The following PXK variants were observed in gnomAD, a reference collection of about 807,000 sequenced individuals.
PXK encodes the protein PX domain-containing protein kinase-like protein.
Under a neutral mutation model 84.7 loss-of-function variants are expected in PXK, and 35 were observed. The ratio of observed to expected loss-of-function variants is 0.41; its 90% confidence interval spans 0.32 to 0.55. The LOEUF (loss-of-function observed/expected upper bound fraction) is 0.55, where lower values mean the gene tolerates loss of function less well. Ranked by LOEUF, PXK falls within the 20% of genes least tolerant of loss-of-function variation. The probability of loss-of-function intolerance (pLI) is 0.21; values close to 1 mark genes in which losing one functional copy is unlikely to be tolerated. For missense variants in PXK, 634 were observed against 699.7 expected (o/e 0.91, Z 1.06); for synonymous variants, 253 against 260.8 (o/e 0.97, Z 0.29).
At chr3:58,420,486 G>T (rs1458666420) in intron 17 of PXK, 1 of 1,530,990 alleles carries the variant, frequency 6.5e-7, no homozygotes, top group East Asian at 2.4e-5. Context: ...ACTAAAATCT[G>T]AATAATGACT....
In PXK at chr3:58,407,086, A is replaced by C. The variant is rs955799252; in HGVS notation, c.1231-1838A>C. The stretch of plus-strand genomic sequence containing the variant: ...CTTTTGGATGTATACCCAGAAGTGG[A>C]ATTCCTCATATGGTAGTTCCATTTT... On this transcript the variant is annotated intron_variant, in intron 13 of 17. Transcript: ENST00000356151. The surrounding 1 kb of genome is among the most constrained non-coding windows in gnomAD (Gnocchi z 4.3). Among the ~76,000 whole-genome samples the C allele has an allele frequency of 2.0e-5, 3 of 152,048 alleles. No individual in the cohort carries two copies. The highest frequency in any genetic ancestry group is 6.6e-5 in the Admixed American group (1 of 15,248).
intron 1 of PXK, among the ~76,000 whole-genome samples, chr3:58,354,914 T>C (rs563825227): frequency 2.6e-5 from 4 of 151,392 alleles, no homozygotes; most frequent in Admixed American, 2.6e-4. Flanking sequence ...AGGTCAGGAG[T>C]TCGAGACCAT....
Position 58,397,199 on chromosome 3 carries a change from A to G in PXK, c.983A>G (p.Asn328Ser), listed in dbSNP as rs755856498. The G allele has an allele frequency of 3.7e-6, 6 of 1,613,920 alleles. No individual in the cohort carries two copies. In the South Asian group the frequency reaches 4.4e-5, roughly 12 times the overall value. Reference protein sequence around the residue: ...RSYFSQFRKINTLESVDVHCF... With the variant: ...RSYFSQFRKISTLESVDVHCF... The stretch of plus-strand genomic sequence containing the variant: ...TATTTTTCACAATTCAGGAAAATCA[A>G]TGTAAGTTGCTAAAGTAATGAAATA... The change falls in exon 10 of 18, where the codon AAT becomes AGT. Residue 328 changes from asparagine (N) to serine (S), a missense_variant and splice_region_variant. By Grantham distance (46) the Asn-to-Ser change is conservative. Transcript: ENST00000356151. This position sits in a 1 kb window ranked among gnomAD's most constrained non-coding sequence, Gnocchi z 4.7.
At chr3:58,418,613 A>G (rs1007524917) in intron 17 of PXK, among the ~76,000 whole-genome samples, 1 of 59,560 alleles carries the variant, frequency 1.7e-5, no homozygotes, top group Admixed American at 1.8e-4. Flanking sequence ...CTGTTCTTTG[A>G]GGCTTTTAAA....
In PXK at chr3:58,421,201, C is replaced by T. The variant is rs1013315772; in HGVS notation, c.1529-3551C>T. 3 of 985,320 alleles carry T rather than the reference C, an allele frequency of 3.0e-6. No individual in the cohort carries two copies. The South Asian group carries it at 1.4e-4, about 46-fold the overall frequency. 61.0% of individuals were successfully genotyped at this position (985,320 alleles called of 1,614,324 possible). A position where few individuals can be genotyped will look rare whatever the true frequency, so the allele number is the denominator to read the frequency against. ...GTGTGGTCTCATGGCCACTTGGCCT[C>T]CCTTCCTGTATGTGACCACAAAGGA... On this transcript the variant is annotated intron_variant, in intron 17 of 17. Coordinates refer to ENST00000356151, the MANE Select transcript of PXK (RefSeq NM_017771.5). The surrounding 1 kb of genome is among the most constrained non-coding windows in gnomAD (Gnocchi z 5.5).
chr3:58,359,313 C>T (rs1024846336), intron 1 of PXK, among the ~76,000 whole-genome samples: 25 of 152,102 alleles, frequency 1.6e-4, no homozygotes, highest in African/African-American at 5.5e-4. Flanking sequence ...GGGCAGATCA[C>T]GAGGTCAGGA....
chr3:58,357,975 A>AT (rs1324063462), intron 1 of PXK, among the ~76,000 whole-genome samples: 2 of 152,070 alleles, frequency 1.3e-5, no homozygotes, highest in African/African-American at 4.8e-5. Context: ...AAAACAAAAA[A>AT]ACAAAAAAAC....
intron 1 of PXK, among the ~76,000 whole-genome samples, chr3:58,336,709 A>G (rs1329520697): frequency 6.6e-6 from 1 of 152,222 alleles, no homozygotes; most frequent in Non-Finnish European, 1.5e-5. Context: ...CTGAAATAGA[A>G]ACCAGAGGAA....
intron 1 of PXK, among the ~76,000 whole-genome samples, chr3:58,353,836 G>A (rs2098000863): frequency 6.6e-6 from 1 of 152,220 alleles, no homozygotes; most frequent in Non-Finnish European, 1.5e-5. Flanking sequence ...TGCATGGGAA[G>A]AAAGGGTTAG....
At chr3:58,358,913 T>G (rs772522527) in intron 1 of PXK, among the ~76,000 whole-genome samples, 17 of 152,200 alleles carry the variant, frequency 1.1e-4, no homozygotes, top group Non-Finnish European at 1.9e-4. Context: ...CCCCAAACAT[T>G]ATTGCTTGTT....
At chr3:58,402,530 A>C (rs1219503517) in intron 12 of PXK, among the ~76,000 whole-genome samples, 1 of 151,052 alleles carries the variant, frequency 6.6e-6, no homozygotes, top group African/African-American at 2.4e-5. Context: ...CCCGGGTTCA[A>C]GTGATCCTCT....
chr3:58,376,629 A>ATTATTTATTTAT (rs71625619), intron 3 of PXK, among the ~76,000 whole-genome samples: 1 of 151,426 alleles, frequency 6.6e-6, no homozygotes, highest in African/African-American at 2.4e-5. Context: ...ATTACCCTTT[A>ATTATTTATTTAT]TTATTTATTT....
chr3:58,394,932 A>C, intron 7 of PXK, 66 bp from the exon 8 acceptor site: 1 of 1,210,454 alleles, frequency 8.3e-7, no homozygotes, highest in Non-Finnish European at 1.2e-6. Flanking sequence ...GCATAACCAG[A>C]TCCTGTATTT....
rs2097532703 is a variant in PXK, at chr3:58,333,469, G to A, written c.102+379G>A. The stretch of plus-strand genomic sequence containing the variant: ...GACCATCCACTTCTGCCCGCCGCCA[G>A]CCTTTTCCTTTTTGAGGCCGTGTAA... On this transcript the variant is annotated intron_variant, in intron 1 of 17. Coordinates refer to ENST00000356151, the MANE Select transcript of PXK (RefSeq NM_017771.5). This position sits in a 1 kb window ranked among gnomAD's most constrained non-coding sequence, Gnocchi z 5.4. The A allele has an allele frequency of 8.8e-6, 4 of 453,256 alleles. No homozygotes were observed. Among genetic ancestry groups the A allele is most frequent in the South Asian group, 6.2e-5 (4 of 64,310 alleles). 28.1% of individuals were successfully genotyped at this position (453,256 alleles called of 1,614,324 possible).
chr3:58,395,159 T>C (rs895454643), intron 8 of PXK, 57 bp downstream of exon 8: 13 of 1,291,218 alleles, frequency 1.0e-5, no homozygotes, highest in African/African-American at 2.9e-5. Context: ...GAACCTGTTA[T>C]TGATACTTAG....
chr3:58,418,109 C>T (rs2061275737), intron 17 of PXK, among the ~76,000 whole-genome samples: 1 of 152,208 alleles, frequency 6.6e-6, no homozygotes, highest in Non-Finnish European at 1.5e-5. Flanking sequence ...ATGAGCCACC[C>T]ACACCCAGCC....
intron 1 of PXK, among the ~76,000 whole-genome samples, chr3:58,360,431 A>G (rs1404868687): frequency 6.6e-6 from 1 of 152,206 alleles, no homozygotes; most frequent in African/African-American, 2.4e-5. Context: ...TATTTAAATC[A>G]GTGGAATCAA....
At chr3:58,420,096 T>C (rs765786111) in intron 17 of PXK, among the ~76,000 whole-genome samples, 5 of 150,524 alleles carry the variant, frequency 3.3e-5, no homozygotes, top group Admixed American at 2.6e-4. Flanking sequence ...AAAAAAGTTA[T>C]GGGTTTTCAT....
intron 1 of PXK, among the ~76,000 whole-genome samples, chr3:58,353,545 A>G (rs973290998): frequency 6.6e-6 from 1 of 152,238 alleles, no homozygotes; most frequent in African/African-American, 2.4e-5. Context: ...AATAATGACT[A>G]CTTAGCAGAG....
Sources: gnomAD v4.1 joint callset for allele counts (sites outside exome capture counted in the v4.1 genomes callset) on GRCh38, gnomAD v4.1.1 for gene constraint, Gnocchi (gnomAD v3.1) non-coding constraint, MANE v1.5 for transcripts, NCBI Gene and HGNC (gene_info 2026-07-23, HGNC 2026-07-21) for gene names.